GALNT7: variants seen among roughly 807,000 people sequenced by gnomAD.
The protein encoded by GALNT7 is polypeptide N-acetylgalactosaminyltransferase 7, also known as N-acetylgalactosaminyltransferase 7.
Under a neutral mutation model 82.1 loss-of-function variants are expected in GALNT7, and 60 were observed. The observed-to-expected ratio is 0.73, with a 90% CI of 0.59 to 0.91. GALNT7 has a LOEUF of 0.91. GALNT7 is among the 40% of genes least tolerant of loss of function. The pLI, the probability that GALNT7 is intolerant of heterozygous loss-of-function variation, is 0.00. For missense variants in GALNT7, 660 were observed against 804.2 expected (o/e 0.82, Z 2.17); for synonymous variants, 243 against 275.1 (o/e 0.88, Z 1.15).
chr4:173,206,990 A>T (rs1016522736), intron 1 of GALNT7, among the ~76,000 whole-genome samples: 1 of 152,214 alleles, frequency 6.6e-6, no homozygotes, highest in Admixed American at 6.5e-5. Context: ...GGCCATCACC[A>T]GCTTCCCATT....
chr4:173,244,736 T>C (rs1734559298), intron 1 of GALNT7, among the ~76,000 whole-genome samples: 1 of 152,058 alleles, frequency 6.6e-6, no homozygotes. Flanking sequence ...GCAGTAGCAG[T>C]GAGGATGATA....
intron 2 of GALNT7, among the ~76,000 whole-genome samples, chr4:173,278,828 G>A (rs1736007554): frequency 6.6e-6 from 1 of 152,198 alleles, no homozygotes; most frequent in South Asian, 2.1e-4. Flanking sequence ...TTTTGGGAAA[G>A]ATGTTGACAA....
At chr4:173,263,439 T>TA (rs1386868573) in intron 2 of GALNT7, among the ~76,000 whole-genome samples, 1 of 152,210 alleles carries the variant, frequency 6.6e-6, no homozygotes, top group Non-Finnish European at 1.5e-5. Flanking sequence ...AATTAACTGA[T>TA]ACAGAAGAAA....
chr4:173,235,979 G>A (rs1428377722), intron 1 of GALNT7, among the ~76,000 whole-genome samples: 3 of 152,178 alleles, frequency 2.0e-5, no homozygotes, highest in Non-Finnish European at 2.9e-5. Context: ...ACAAAAGCAG[G>A]GATGTATTTG....
chr4:173,316,692 T>A (rs1009417962), intron 9 of GALNT7: 1 of 152,396 alleles, frequency 6.6e-6, no homozygotes, highest in East Asian at 1.9e-4. Context: ...CCTTTTACTG[T>A]CTCACTCCCA....
intron 11 of GALNT7, among the ~76,000 whole-genome samples, chr4:173,319,987 T>C (rs772487327): frequency 6.6e-6 from 1 of 152,114 alleles, no homozygotes; most frequent in Non-Finnish European, 1.5e-5. Context: ...CATGAAAACA[T>C]GTAGAAAATT....
At chr4:173,193,762 G>T (rs1418453928) in intron 1 of GALNT7, among the ~76,000 whole-genome samples, 3 of 152,024 alleles carry the variant, frequency 2.0e-5, no homozygotes, top group Non-Finnish European at 4.4e-5. Flanking sequence ...CCCAAAACTA[G>T]TTTTTTTGGG....
chr4:173,316,868 C>G (rs745433158), intron 9 of GALNT7: 1 of 152,292 alleles, frequency 6.6e-6, no homozygotes, highest in Non-Finnish European at 1.5e-5. Flanking sequence ...TTCCTCTGTA[C>G]ATTCACACCT....
At chr4:173,305,989 T>C (rs1208191841) in intron 8 of GALNT7, among the ~76,000 whole-genome samples, 1 of 152,178 alleles carries the variant, frequency 6.6e-6, no homozygotes, top group Non-Finnish European at 1.5e-5. Context: ...TTTTATAATA[T>C]GGATATTTTA....
chr4:173,309,477 T>C (rs895266446), intron 8 of GALNT7, among the ~76,000 whole-genome samples: 1 of 152,196 alleles, frequency 6.6e-6, no homozygotes, highest in Non-Finnish European at 1.5e-5. Context: ...GGGGTGGCAT[T>C]TATTTATGAA....
At chr4:173,299,860 A>G (rs1354532675) in intron 6 of GALNT7, among the ~76,000 whole-genome samples, 2 of 152,070 alleles carry the variant, frequency 1.3e-5, no homozygotes, top group Non-Finnish European at 2.9e-5. Flanking sequence ...ACAAAAAAAA[A>G]AAGACACAGC....
intron 1 of GALNT7, among the ~76,000 whole-genome samples, chr4:173,207,021 G>C (rs1416384342): frequency 6.6e-6 from 1 of 152,228 alleles, no homozygotes; most frequent in East Asian, 1.9e-4. Context: ...GTCTATAACT[G>C]TTGGGGTTTA....
chr4:173,209,477 T>G (rs1733203376), intron 1 of GALNT7, among the ~76,000 whole-genome samples: 1 of 152,254 alleles, frequency 6.6e-6, no homozygotes, highest in Non-Finnish European at 1.5e-5. Flanking sequence ...AATTCTAGTC[T>G]TCTCTGATCT....
chr4:173,244,936 G>C (rs1473083114), intron 1 of GALNT7, among the ~76,000 whole-genome samples: 1 of 152,178 alleles, frequency 6.6e-6, no homozygotes, highest in Non-Finnish European at 1.5e-5. Context: ...AAACAGGCTT[G>C]TGATGTGAGG....
chr4:173,179,460 T>A (rs980400861), intron 1 of GALNT7, among the ~76,000 whole-genome samples: 5 of 152,224 alleles, frequency 3.3e-5, no homozygotes, highest in Admixed American at 2.6e-4. Context: ...AGCAAGACCT[T>A]GTCGCTTATA....
At position 173,169,226 on chromosome 4, in the gene GALNT7, C is replaced by T. The variant is rs986428049; in HGVS notation, c.126+265C>T. On this transcript the variant is annotated intron_variant, in intron 1 of 11. Transcript: ENST00000265000. The stretch of plus-strand genomic sequence containing the variant: ...GTCGCCGACACCCGCGCTGCCGCGG[C>T]AGCGGCTCGGGCGGCCGCTCTCCGC... The T allele has an allele frequency of 1.7e-4, 25 of 150,238 alleles. No individual in the cohort carries two copies. In the East Asian group the frequency reaches 5.0e-3, roughly 30 times the overall value. The allele number at this position is 150,238 out of a possible 1,614,324, so 9.3% of individuals were successfully genotyped here.
At chr4:173,267,481 G>T (rs1190589699) in intron 2 of GALNT7, among the ~76,000 whole-genome samples, 1 of 152,156 alleles carries the variant, frequency 6.6e-6, no homozygotes, top group Non-Finnish European at 1.5e-5. Context: ...GCAGCGCCAG[G>T]AAACCATGCC....
chr4:173,304,386 G>A (rs72694206), intron 8 of GALNT7, among the ~76,000 whole-genome samples: 7,512 of 151,208 alleles, frequency 0.05, 256 homozygotes, highest in Non-Finnish European at 0.071. Flanking sequence ...ATGACAGAAC[G>A]AGACCCCATC....
intron 1 of GALNT7, among the ~76,000 whole-genome samples, chr4:173,210,480 G>A (rs1195969541): frequency 1.3e-5 from 2 of 152,056 alleles, no homozygotes; most frequent in South Asian, 2.1e-4. Context: ...TGGAAACAGG[G>A]TCTTGCTCTG....
Sources: allele counts gnomAD v4.1 joint callset (sites outside exome capture counted in the v4.1 genomes callset), GRCh38; gene constraint gnomAD v4.1.1; transcripts MANE v1.5; gene names NCBI Gene and HGNC (gene_info 2026-07-23, HGNC 2026-07-21).